RALGAPA2: variants seen among roughly 807,000 people sequenced by gnomAD.
The protein encoded by RALGAPA2 is ral GTPase-activating protein subunit alpha-2.
In RALGAPA2, 139 loss-of-function variants were observed where a neutral mutation model predicts 230.4. The observed-to-expected ratio is 0.60, with a 90% confidence interval of 0.53 to 0.69. The LOEUF (loss-of-function observed/expected upper bound fraction) is 0.69, where lower values mean the gene tolerates loss of function less well. Ranked by LOEUF, RALGAPA2 falls within the 30% of genes least tolerant of loss-of-function variation. RALGAPA2 has a pLI of 0.00. For missense variants in RALGAPA2, 2,163 were observed against 2,276.0 expected (o/e 0.95, Z 1.01); for synonymous variants, 847 against 837.8 (o/e 1.01, Z -0.19).
chr20:20,424,315 G>C (rs942183703), intron 37 of RALGAPA2, among the ~76,000 whole-genome samples: 1 of 152,198 alleles, frequency 6.6e-6, no homozygotes, highest in Non-Finnish European at 1.5e-5. Context: ...CAGTAAAAAT[G>C]TAAGTGACAA....
intron 13 of RALGAPA2, among the ~76,000 whole-genome samples, chr20:20,614,218 A>C (rs1242913735): frequency 6.6e-6 from 1 of 152,156 alleles, no homozygotes; most frequent in Non-Finnish European, 1.5e-5. Context: ...TTTTCCGTTA[A>C]CTATTTTCAT....
intron 16 of RALGAPA2, among the ~76,000 whole-genome samples, chr20:20,600,302 CA>C (rs899475622): frequency 6.6e-5 from 10 of 151,776 alleles, no homozygotes; most frequent in African/African-American, 2.4e-4. Context: ...ACTCAAAAAA[CA>C]AAACAAAAAA....
intron 16 of RALGAPA2, among the ~76,000 whole-genome samples, chr20:20,599,809 C>T (rs968529895): frequency 6.6e-6 from 1 of 152,040 alleles, no homozygotes; most frequent in African/African-American, 2.4e-5. Context: ...CCCATCTCTA[C>T]TAAAAATACA....
chr20:20,419,042 T>C (rs1429305841), intron 37 of RALGAPA2, among the ~76,000 whole-genome samples: 2 of 152,218 alleles, frequency 1.3e-5, no homozygotes, highest in Non-Finnish European at 2.9e-5. Flanking sequence ...ACCTGGCCTA[T>C]ATATATTTTA....
At chr20:20,450,432 G>C (rs2060961389) in intron 37 of RALGAPA2, among the ~76,000 whole-genome samples, 1 of 152,228 alleles carries the variant, frequency 6.6e-6, no homozygotes, top group African/African-American at 2.4e-5. Flanking sequence ...AAAAGGCTAG[G>C]ATTCACTTGG....
chr20:20,702,238 G>A (rs1308520448), intron 1 of RALGAPA2, among the ~76,000 whole-genome samples: 1 of 152,126 alleles, frequency 6.6e-6, no homozygotes, highest in Non-Finnish European at 1.5e-5. Context: ...TAGATGGCAG[G>A]ATGGACAACA....
chr20:20,620,490 T>C lies in RALGAPA2; in HGVS notation c.1374A>G (p.Leu458=). Residue 458 remains leucine, a synonymous_variant, in exon 11 of 40, where the codon TTA becomes TTG. Coordinates refer to ENST00000202677, the MANE Select transcript of RALGAPA2 (RefSeq NM_020343.4). ...KDVAQEDAEK[L]GFSETDSKEA... The stretch of plus-strand genomic sequence containing the variant: ...CCTTGCTATCAGTCTCGGAAAATCC[T>C]AATTTTTCAGCATCTTCTTGGGCAA... 1 of 1,613,954 alleles carries C rather than the reference T, an allele frequency of 6.2e-7. No homozygotes were observed. The highest frequency in any genetic ancestry group is 8.5e-7 in the Non-Finnish European group (1 of 1,179,840).
At chr20:20,573,373 G>A (rs1184768966) in intron 20 of RALGAPA2, among the ~76,000 whole-genome samples, 3 of 152,176 alleles carry the variant, frequency 2.0e-5, no homozygotes, top group Non-Finnish European at 4.4e-5. Flanking sequence ...GTGGGAAACA[G>A]TGCCATGGAA....
chr20:20,399,947 G>A (rs902532895), intron 38 of RALGAPA2, among the ~76,000 whole-genome samples: 1 of 152,216 alleles, frequency 6.6e-6, no homozygotes, highest in Admixed American at 6.5e-5. Context: ...TGATTAACTG[G>A]TTCAAGATAA....
intron 37 of RALGAPA2, among the ~76,000 whole-genome samples, chr20:20,429,548 G>A (rs539320528): frequency 3.4e-4 from 52 of 152,246 alleles, no homozygotes; most frequent in African/African-American, 1.2e-3. Flanking sequence ...CCTTCATGCA[G>A]CAAGATTTGA....
At chr20:20,504,930 A>T in intron 34 of RALGAPA2, 2 of 938,234 alleles carry the variant, frequency 2.1e-6, no homozygotes, top group Non-Finnish European at 2.5e-6. Context: ...CTTTTTCAAC[A>T]TCAATCATCC....
chr20:20,455,079 C>T (rs1039368687), intron 37 of RALGAPA2, among the ~76,000 whole-genome samples: 10 of 152,158 alleles, frequency 6.6e-5, no homozygotes, highest in Non-Finnish European at 1.0e-4. Context: ...TGATCCATGA[C>T]GGAGATTATA....
At chr20:20,503,299 C>A in intron 35 of RALGAPA2, 52 bp downstream of exon 35, 1 of 1,404,666 alleles carries the variant, frequency 7.1e-7, no homozygotes. Flanking sequence ...CCTAGGAGAG[C>A]CTCACCTACA....
At chr20:20,409,085 C>A (rs1357423011) in intron 38 of RALGAPA2, among the ~76,000 whole-genome samples, 1 of 152,184 alleles carries the variant, frequency 6.6e-6, no homozygotes, top group African/African-American at 2.4e-5. Flanking sequence ...GCATCCTGAA[C>A]GCAAGCCTGT....
At chr20:20,486,986 T>C (rs1351868357) in intron 36 of RALGAPA2, among the ~76,000 whole-genome samples, 1 of 152,252 alleles carries the variant, frequency 6.6e-6, no homozygotes, top group Non-Finnish European at 1.5e-5. Flanking sequence ...TTGTCCACTT[T>C]TTCCATTAGT....
In RALGAPA2 at chr20:20,524,474, G is replaced by C. The variant is rs370737319; in HGVS notation, c.3832C>G (p.Pro1278Ala). Residue 1278 changes from proline (P) to alanine (A), a missense_variant, in exon 30 of 40, where the codon CCC becomes GCC. Coordinates refer to ENST00000202677, the MANE Select transcript of RALGAPA2 (RefSeq NM_020343.4). ...MALPVSVLLH[P>A]VSTAVLEEQH... Reference sequence around the variant, plus strand: ...TCCTCTAGGACTGCTGTGGACACGGGGTGGAGAAGGACACTCACGGGCAAT... The same window carrying C: ...TCCTCTAGGACTGCTGTGGACACGGCGTGGAGAAGGACACTCACGGGCAAT... 1.1e-5 allele frequency: 17 copies of C among 1,613,758 alleles called. No individual in the cohort carries two copies. Among genetic ancestry groups the C allele is most frequent in the Non-Finnish European group, 1.4e-5 (17 of 1,179,836 alleles).
At chr20:20,676,147 TTTTA>T (rs1274661633) in intron 3 of RALGAPA2, 85 bp downstream of exon 3, 4 of 965,120 alleles carry the variant, frequency 4.1e-6, no homozygotes, top group East Asian at 5.7e-5. Flanking sequence ...CAACAGCCAT[TTTTA>T]TTTGTCTTCA....
intron 36 of RALGAPA2, among the ~76,000 whole-genome samples, chr20:20,476,764 C>T (rs2061661102): frequency 6.6e-6 from 1 of 150,940 alleles, no homozygotes; most frequent in South Asian, 2.1e-4. Context: ...AAACTCTGCC[C>T]ATCACAAAAA....
At position 20,511,116 on chromosome 20, in the gene RALGAPA2, G is replaced by A. The variant is rs141717351; in HGVS notation, c.4928+138C>T. 3.1e-4 allele frequency: 429 copies of A among 1,389,918 alleles called. No homozygotes were observed. In the African/African-American group the frequency reaches 5.6e-3, roughly 18 times the overall value. The allele number at this position is 1,389,918 out of a possible 1,614,324, so 86.1% of individuals were successfully genotyped here. ...AAAAAACACCAACGGTATGGCATGCGCAAATGTCACCAGATGCTAGGTTAC... is the reference window on the plus strand; with the variant it reads ...AAAAAACACCAACGGTATGGCATGCACAAATGTCACCAGATGCTAGGTTAC... On this transcript the variant is annotated intron_variant, in intron 33 of 39. Transcript: ENST00000202677.
Sources: gnomAD v4.1 joint callset for allele counts (sites outside exome capture counted in the v4.1 genomes callset) on GRCh38, gnomAD v4.1.1 for gene constraint, MANE v1.5 for transcripts, NCBI Gene and HGNC (gene_info 2026-07-23, HGNC 2026-07-21) for gene names.